The following RUVBL1 variants were observed in gnomAD, a reference collection of about 807,000 sequenced individuals.
The protein encoded by RUVBL1 is ruvB-like 1.
RUVBL1 carries 4 observed loss-of-function variants against 52.4 expected under a neutral mutation model. The ratio of observed to expected loss-of-function variants is 0.08; its 90% CI spans 0.04 to 0.17. The LOEUF (loss-of-function observed/expected upper bound fraction) is 0.17, where lower values mean the gene tolerates loss of function less well. Among genes scored for constraint, RUVBL1 ranks in the 10% least tolerant of loss-of-function variants. RUVBL1 has a pLI of 1.00. For missense variants in RUVBL1, 298 were observed against 572.8 expected, an observed-to-expected ratio of 0.52 and a Z score of 4.90; for synonymous variants, 217 against 214.4, an observed-to-expected ratio of 1.01 and a Z score of -0.10.
rs144127090 is a variant in RUVBL1 at position 128,111,271 on chromosome 3, A to G, written c.361+1617T>C. Among the ~76,000 whole-genome samples the G allele has an allele frequency of 4.6e-3, 689 of 149,612 alleles. 5 individuals carry two copies. The highest frequency in any genetic ancestry group is 0.015 in the African/African-American group (608 of 40,692). On this transcript the variant is annotated intron_variant, in intron 3 of 10. Transcript: ENST00000322623. The stretch of plus-strand genomic sequence containing the variant: ...TTTCTAACTGCTTCAAAGTCTACCC[A>G]CTTCTCTCACTCACTCAGAAGAACT...
At chr3:128,068,406 A>T (rs1942048987) in intron 9 of RUVBL1, among the ~76,000 whole-genome samples, 1 of 152,058 alleles carries the variant, frequency 6.6e-6, no homozygotes, top group African/African-American at 2.4e-5. Flanking sequence ...TGCTGAAGAG[A>T]GCGCCCTGGA....
chr3:128,089,903 C>A (rs1942779572), intron 8 of RUVBL1, among the ~76,000 whole-genome samples: 2 of 90,832 alleles, frequency 2.2e-5, no homozygotes, highest in Non-Finnish European at 1.9e-5. Context: ...GAGTGAGACC[C>A]TATCTCAAAA....
exon 1 of RUVBL1, chr3:128,153,402 G>C: frequency 3.5e-6 from 5 of 1,415,616 alleles, no homozygotes; most frequent in Non-Finnish European, 4.6e-6. Flanking sequence ...GAACGGGTGT[G>C]CACAGCGCGC....
intron 1 of RUVBL1, chr3:128,141,983 A>G (rs1425113306): frequency 1.3e-5 from 2 of 152,154 alleles, no homozygotes; most frequent in Non-Finnish European, 2.9e-5. Flanking sequence ...AGCACTTGCC[A>G]TATTTTTTAA....
upstream of RUVBL1, chr3:128,123,962 C>T (rs72970109): frequency 5.5e-4 from 674 of 1,218,406 alleles, 2 homozygotes; most frequent in African/African-American, 9.4e-3. Context: ...GTTGGCTTCC[C>T]CCGTAGCCGG....
intron 8 of RUVBL1, among the ~76,000 whole-genome samples, chr3:128,092,694 C>CA (rs1313539062): frequency 2.0e-5 from 3 of 152,076 alleles, no homozygotes; most frequent in Non-Finnish European, 4.4e-5. Context: ...ATCAAAAAGA[C>CA]AGACAAGTGT....
intron 1 of RUVBL1, among the ~76,000 whole-genome samples, chr3:128,132,553 A>G (rs952044667): frequency 1.3e-5 from 2 of 152,128 alleles, no homozygotes; most frequent in Non-Finnish European, 2.9e-5. Flanking sequence ...ATACTAGCTT[A>G]GCCACAGTAG....
chr3:128,083,820 G>C (rs959079556), intron 9 of RUVBL1: 1 of 152,418 alleles, frequency 6.6e-6, no homozygotes, highest in African/African-American at 2.4e-5. Context: ...GCTCACGCCT[G>C]TAATCCCAGC....
intron 1 of RUVBL1, among the ~76,000 whole-genome samples, chr3:128,150,766 ATATAT>A (rs1559841322): frequency 1.9e-5 from 2 of 106,908 alleles, no homozygotes; most frequent in African/African-American, 8.0e-5. Context: ...TATATATTCT[ATATAT>A]TATATATTCT....
chr3:128,097,534 C>T, intron 7 of RUVBL1, 36 bp from the exon 8 acceptor site: 1 of 1,589,898 alleles, frequency 6.3e-7, no homozygotes, highest in Non-Finnish European at 8.6e-7. Context: ...AAGGTCAGCA[C>T]AGGGCTGGGG....
At chr3:128,152,988 ACCCCGC>A (rs1944269678) in intron 1 of RUVBL1, among the ~76,000 whole-genome samples, 3 of 9,184 alleles carry the variant, frequency 3.3e-4, no homozygotes, top group Non-Finnish European at 3.3e-4. Flanking sequence ...CCCCCCGCCC[ACCCCGC>A]CCCCCCCGCC....
At chr3:128,076,388 G>A (rs140382642), downstream of RUVBL1, among the ~76,000 whole-genome samples, 33 of 152,314 alleles carry the variant, frequency 2.2e-4, no homozygotes, top group African/African-American at 7.0e-4. The surrounding 1 kb of genome is among the most constrained non-coding windows in gnomAD (Gnocchi z 6.8). Flanking sequence ...ACAGGGGGGC[G>A]GCCGGCATGG....
chr3:128,072,136 G>A lies in RUVBL1; in HGVS notation c.940-6916C>T, dbSNP rs1942183875. ...TGTAGCCAAGCCAGAAGGACCCAGT[G>A]TTGTGTGGGTGGGAGTGGCAGGCTT... On this transcript the variant is annotated intron_variant, in intron 9 of 9. Coordinates refer to the RUVBL1 transcript ENST00000464873. 2.0e-5 allele frequency among the ~76,000 whole-genome samples: 3 copies of A among 152,250 alleles called. No homozygotes were observed. The South Asian group carries it at 6.2e-4, about 31-fold the overall frequency.
At chr3:128,094,397 G>A (rs1942922130) in intron 8 of RUVBL1, among the ~76,000 whole-genome samples, 1 of 152,206 alleles carries the variant, frequency 6.6e-6, no homozygotes, top group Non-Finnish European at 1.5e-5. Flanking sequence ...ACTCCTAGGA[G>A]GCTGCATTTT....
intron 1 of RUVBL1, among the ~76,000 whole-genome samples, chr3:128,122,821 G>T (rs955086366): frequency 6.6e-6 from 1 of 152,122 alleles, no homozygotes; most frequent in Non-Finnish European, 1.5e-5. Context: ...CAAACCCCAG[G>T]TTTACCGTTA....
At chr3:128,113,137 A>G (rs760394242) in intron 2 of RUVBL1, 117 bp from the exon 3 acceptor site, 10 of 1,170,508 alleles carry the variant, frequency 8.5e-6, no homozygotes, top group African/African-American at 1.6e-5. Context: ...CCTACCATTT[A>G]GCATGTTTCA....
At chr3:128,133,904 A>G (rs544377703) in intron 1 of RUVBL1, among the ~76,000 whole-genome samples, 4 of 152,206 alleles carry the variant, frequency 2.6e-5, no homozygotes, top group Non-Finnish European at 4.4e-5. Context: ...AACAAATGAA[A>G]TAAGGCACCA....
chr3:128,079,670 C>T (rs1340534434), downstream of RUVBL1, among the ~76,000 whole-genome samples: 1 of 152,212 alleles, frequency 6.6e-6, no homozygotes, highest in African/African-American at 2.4e-5. Context: ...CCAGTGTCTC[C>T]TCAGGGGCCA....
chr3:128,123,599 C>T lies in RUVBL1; in HGVS notation c.126G>A (p.Gln42=). 10 of 1,608,854 alleles carry T rather than the reference C, an allele frequency of 6.2e-6. No individual in the cohort carries two copies. The highest frequency in any genetic ancestry group is 8.5e-6 in the Non-Finnish European group (10 of 1,177,778). The part of the protein sequence containing the change: ...AKQAASGLVG[Q]ENAREACGVI... Reference sequence around the variant, plus strand: ...CTGGCCACACCTCTCGCGCGTTCTCCTGGCCCACAAGCCCTGAGGCCGCCT... The same window carrying T: ...CTGGCCACACCTCTCGCGCGTTCTCTTGGCCCACAAGCCCTGAGGCCGCCT... Residue 42 remains glutamine, a synonymous_variant, in exon 1 of 11, where the codon CAG becomes CAA. Coordinates refer to ENST00000322623, the MANE Select transcript of RUVBL1 (RefSeq NM_003707.3).
Sources: allele counts gnomAD v4.1 joint callset (sites outside exome capture counted in the v4.1 genomes callset), GRCh38; gene constraint gnomAD v4.1.1; non-coding constraint Gnocchi (gnomAD v3.1); transcripts MANE v1.5; gene names NCBI Gene and HGNC (gene_info 2026-07-23, HGNC 2026-07-21).